The following CFAP61 variants were observed in gnomAD, a reference collection of about 807,000 sequenced individuals.
The protein encoded by CFAP61 is cilia- and flagella-associated protein 61.
Under a neutral mutation model 135.6 loss-of-function variants are expected in CFAP61, and 107 were observed. The observed-to-expected ratio is 0.79, with a 90% CI of 0.67 to 0.93. The LOEUF (loss-of-function observed/expected upper bound fraction) is 0.93, where lower values mean the gene tolerates loss of function less well. Ranked by LOEUF, CFAP61 falls within the 40% of genes least tolerant of loss-of-function variation. The pLI is 0.00. For missense variants in CFAP61, 1,507 were observed against 1,556.2 expected (o/e 0.97, Z 0.53); for synonymous variants, 575 against 578.5 (o/e 0.99, Z 0.09).
chr20:20,281,764 T>A (rs1037912418), intron 22 of CFAP61, among the ~76,000 whole-genome samples: 2 of 152,222 alleles, frequency 1.3e-5, no homozygotes, highest in East Asian at 3.8e-4. Flanking sequence ...TCGAGCTGTG[T>A]TGGCCTTATA....
At chr20:20,191,546 A>G (rs2055921936) in intron 15 of CFAP61, 127 bp downstream of exon 15, 2 of 594,694 alleles carry the variant, frequency 3.4e-6, no homozygotes, top group Non-Finnish European at 6.0e-6. Flanking sequence ...TCTGATGGAT[A>G]TCATCATCAT....
chr20:20,344,972 A>G (rs1345840619), intron 26 of CFAP61, among the ~76,000 whole-genome samples: 1 of 152,256 alleles, frequency 6.6e-6, no homozygotes, highest in Non-Finnish European at 1.5e-5. Context: ...ACTAGAGGAC[A>G]TTATGTTAAG....
intron 25 of CFAP61, among the ~76,000 whole-genome samples, chr20:20,314,691 C>T (rs1257982305): frequency 8.1e-6 from 1 of 124,096 alleles, no homozygotes; most frequent in East Asian, 2.7e-4. Context: ...CCCCCACCCC[C>T]CCACCCCACA....
intron 21 of CFAP61, among the ~76,000 whole-genome samples, chr20:20,274,988 C>T (rs1454688347): frequency 2.6e-5 from 4 of 151,440 alleles, no homozygotes; most frequent in Non-Finnish European, 4.4e-5. Flanking sequence ...TTCTCTCCCT[C>T]CTGTGTGGGC....
chr20:20,084,299 A>G (rs546029937), intron 6 of CFAP61, among the ~76,000 whole-genome samples: 63 of 152,352 alleles, frequency 4.1e-4, no homozygotes, highest in Non-Finnish European at 6.9e-4. Context: ...TTACAACTGT[A>G]CATTTTAAAG....
chr20:20,104,084 G>A (rs1292264582), intron 8 of CFAP61, among the ~76,000 whole-genome samples: 1 of 152,132 alleles, frequency 6.6e-6, no homozygotes, highest in Non-Finnish European at 1.5e-5. Context: ...GGCAGGGAGA[G>A]ATTTCACTTT....
intron 8 of CFAP61, among the ~76,000 whole-genome samples, chr20:20,130,936 A>G (rs908318566): frequency 6.6e-6 from 1 of 151,832 alleles, no homozygotes; most frequent in Non-Finnish European, 1.5e-5. Flanking sequence ...GATGCCTTCC[A>G]TGAGTTGAGG....
chr20:20,195,035 T>A (rs1325402618), intron 15 of CFAP61, among the ~76,000 whole-genome samples: 1 of 152,210 alleles, frequency 6.6e-6, no homozygotes, highest in Non-Finnish European at 1.5e-5. Flanking sequence ...CATTTTATTT[T>A]ATAATGAGAG....
chr20:20,189,513 G>T (rs967504147), intron 14 of CFAP61, among the ~76,000 whole-genome samples: 9 of 149,378 alleles, frequency 6.0e-5, no homozygotes, highest in African/African-American at 2.0e-4. Context: ...ATGGCATTGG[G>T]TGAAACCAAT....
At chr20:20,125,449 A>G (rs1169354011) in intron 8 of CFAP61, among the ~76,000 whole-genome samples, 1 of 151,640 alleles carries the variant, frequency 6.6e-6, no homozygotes, top group Non-Finnish European at 1.5e-5. Flanking sequence ...GAATTTTTAA[A>G]TTTCCGTCTT....
intron 8 of CFAP61, among the ~76,000 whole-genome samples, chr20:20,127,624 C>T (rs935808032): frequency 3.9e-5 from 5 of 128,610 alleles, no homozygotes; most frequent in South Asian, 2.9e-4. Flanking sequence ...GTGGAGGTGA[C>T]GGTTGGTGGT....
intron 9 of CFAP61, among the ~76,000 whole-genome samples, chr20:20,144,914 A>AT (rs1162983233): frequency 1.3e-5 from 2 of 152,316 alleles, no homozygotes; most frequent in East Asian, 3.9e-4. Context: ...CCACCCTAGA[A>AT]TTTTATACCC....
At chr20:20,209,711 T>G (rs1484993568) in intron 17 of CFAP61, among the ~76,000 whole-genome samples, 1 of 152,182 alleles carries the variant, frequency 6.6e-6, no homozygotes, top group Non-Finnish European at 1.5e-5. Flanking sequence ...TTGAGTCCAT[T>G]TGGGAGATTT....
intron 24 of CFAP61, among the ~76,000 whole-genome samples, chr20:20,291,536 TG>T: frequency 6.6e-6 from 1 of 152,374 alleles, no homozygotes. Flanking sequence ...ATTGTCTGGT[TG>T]TATCGGTTTA....
chr20:20,333,407 C>G (rs1254768388), intron 25 of CFAP61, among the ~76,000 whole-genome samples: 2 of 152,120 alleles, frequency 1.3e-5, no homozygotes, highest in Non-Finnish European at 2.9e-5. Flanking sequence ...AGTGGCAGAG[C>G]TGGGGTAAAA....
chr20:20,136,214 G>A (rs2050910452), intron 8 of CFAP61, among the ~76,000 whole-genome samples: 1 of 152,026 alleles, frequency 6.6e-6, no homozygotes, highest in Non-Finnish European at 1.5e-5. Flanking sequence ...CCTCGAGGTA[G>A]TCTTCTTTGG....
At chr20:20,231,644 GA>G (rs1188680321) in intron 18 of CFAP61, among the ~76,000 whole-genome samples, 1 of 152,192 alleles carries the variant, frequency 6.6e-6, no homozygotes. Context: ...AGCCCAGGAG[GA>G]AAGGACCCAG....
At chr20:20,181,077 A>C (rs2055028942) in intron 13 of CFAP61, among the ~76,000 whole-genome samples, 1 of 151,904 alleles carries the variant, frequency 6.6e-6, no homozygotes, top group Admixed American at 6.6e-5. Context: ...TACCTGGGTG[A>C]TAAATAATCT....
chr20:20,148,294 C>T (rs1050928737), intron 9 of CFAP61, among the ~76,000 whole-genome samples: 6 of 152,000 alleles, frequency 3.9e-5, no homozygotes, highest in African/African-American at 7.3e-5. Context: ...TGAAGAATGA[C>T]GATAGTATTT....
Sources: allele counts gnomAD v4.1 joint callset (sites outside exome capture counted in the v4.1 genomes callset), GRCh38; gene constraint gnomAD v4.1.1; transcripts MANE v1.5; gene names NCBI Gene and HGNC (gene_info 2026-07-23, HGNC 2026-07-21).